AP4M1: variants seen among roughly 807,000 people sequenced by gnomAD.
AP4M1 encodes adaptor related protein complex 4 subunit mu 1.
AP4M1 carries 58 observed loss-of-function variants against 62.4 expected under a neutral mutation model. The observed-to-expected ratio is 0.93, with a 90% CI of 0.75 to 1.16. The LOEUF is 1.16. Among genes scored for constraint, AP4M1 ranks in the 50% most tolerant of loss-of-function variants. AP4M1 has a pLI of 0.00. For missense variants in AP4M1, 626 were observed against 585.4 expected (o/e 1.07, Z -0.72); for synonymous variants, 290 against 239.7 (o/e 1.21, Z -1.94).
At position 100,106,985 on chromosome 7, in the gene AP4M1, AG is replaced by A; in HGVS notation, c.*105del. On this transcript the variant is annotated 3_prime_UTR_variant, in exon 15 of 15. Coordinates refer to ENST00000359593, the MANE Select transcript of AP4M1 (RefSeq NM_004722.4). ...TGGCCTTCGGACTCTGAATCTGGGC[AG>A]GAAGAGTCCTCAGTCCCAAGACCAG... is the stretch of plus-strand genomic sequence containing the variant. 1.4e-6 allele frequency: 2 copies of A among 1,381,756 alleles called. No individual in the cohort carries two copies. Among genetic ancestry groups the A allele is most frequent in the East Asian group, 2.5e-5 (1 of 40,174 alleles). 85.6% of individuals were successfully genotyped at this position (1,381,756 alleles called of 1,614,324 possible).
rs1331440809 is a variant in AP4M1 at position 100,107,400 on chromosome 7, G to A, written c.*518G>A. 8 of 1,602,168 alleles carry A rather than the reference G, an allele frequency of 5.0e-6. No individual in the cohort carries two copies. The highest frequency in any genetic ancestry group is 6.0e-6 in the Non-Finnish European group (7 of 1,172,544). ...CGGGGACGATGCCGGGGGAGGAACTGGAGAAGGATGGGAGGTGGGGCCTCC... is the reference window on the plus strand; with the variant it reads ...CGGGGACGATGCCGGGGGAGGAACTAGAGAAGGATGGGAGGTGGGGCCTCC... On this transcript the variant is annotated 3_prime_UTR_variant, in exon 15 of 15. Coordinates refer to ENST00000359593, the MANE Select transcript of AP4M1 (RefSeq NM_004722.4).
upstream of AP4M1, chr7:100,101,131 C>A: frequency 3.5e-6 from 4 of 1,153,044 alleles, no homozygotes; most frequent in Admixed American, 2.0e-5. Context: ...CAGGCCGCAG[C>A]TCGACCCTGC....
intron 11 of AP4M1, 31 bp from the exon 12 acceptor site, chr7:100,105,928 C>T (rs748143640): frequency 6.2e-7 from 1 of 1,613,858 alleles, no homozygotes; most frequent in East Asian, 2.2e-5. Flanking sequence ...AGAAGATGGC[C>T]TGAGTCGTGG....
upstream of AP4M1, chr7:100,101,630 G>A: frequency 7.3e-7 from 1 of 1,372,990 alleles, no homozygotes; most frequent in Non-Finnish European, 1.0e-6. Flanking sequence ...TAAAGGGCCA[G>A]CGCACACGCG....
At chr7:100,106,140 G>T (rs1796452931) in intron 12 of AP4M1, 101 bp from the exon 13 acceptor site, 1 of 1,553,340 alleles carries the variant, frequency 6.4e-7, no homozygotes, top group South Asian at 1.1e-5. Flanking sequence ...ATTTGGGAAG[G>T]TGGGGGGCAC....
Position 100,106,230 on chromosome 7 carries a change from C to T in AP4M1, c.975-11C>T. 1 of 1,614,120 alleles carries T rather than the reference C, an allele frequency of 6.2e-7. No homozygotes were observed. The highest frequency in any genetic ancestry group is 1.7e-4 in the Middle Eastern group (1 of 6,056). ...TTCCTGGGGCTGACTTTGTTCCCGT[C>T]TCCTCTGTAGCCAAGCCCTCAATGT... On this transcript the variant is annotated splice_polypyrimidine_tract_variant and intron_variant, in intron 12 of 14. Coordinates refer to ENST00000359593, the MANE Select transcript of AP4M1 (RefSeq NM_004722.4).
rs55764736 is a variant in AP4M1 at position 100,103,061 on chromosome 7, C to CTTTT, written c.351+119_351+122dup. On this transcript the variant is annotated intron_variant, in intron 4 of 14. Coordinates refer to ENST00000359593, the MANE Select transcript of AP4M1 (RefSeq NM_004722.4). The stretch of plus-strand genomic sequence containing the variant: ...GCCGTGGTTAGGAGGCCAAGTCTAC[C>CTTTT]TTTTTTTTTTTTTTTTTTTTTGCTT... 469 of 530,664 alleles carry CTTTT rather than the reference C, an allele frequency of 8.8e-4. 1 individual carries two copies. In the Admixed American group the frequency reaches 8.9e-3, roughly 10 times the overall value. 32.9% of individuals were successfully genotyped at this position (530,664 alleles called of 1,614,324 possible). A position where few individuals can be genotyped will look rare whatever the true frequency, so the allele number is the denominator to read the frequency against.
In AP4M1 at chr7:100,108,399, G is replaced by T. The variant is rs1796792527; in HGVS notation, c.*1517G>T. ...ATGGTCAGAGTGGTCCTGTTGACCTGCTGAGCCTGCAGAGCAGCCTGGGCC... is the reference window on the plus strand; with the variant it reads ...ATGGTCAGAGTGGTCCTGTTGACCTTCTGAGCCTGCAGAGCAGCCTGGGCC... On this transcript the variant is annotated 3_prime_UTR_variant, in exon 15 of 15. Transcript: ENST00000359593. The T allele has an allele frequency of 6.2e-7, 1 of 1,612,146 alleles. No individual in the cohort carries two copies. The highest frequency in any genetic ancestry group is 8.5e-7 in the Non-Finnish European group (1 of 1,178,702).
At chr7:100,103,023 T>G (rs1796184520) in intron 4 of AP4M1, 63 bp downstream of exon 4, 3 of 1,424,318 alleles carry the variant, frequency 2.1e-6, no homozygotes, top group East Asian at 2.3e-5. Flanking sequence ...CATCTGCTCT[T>G]CTACTGTGGG....
chr7:100,107,111 G>A lies in AP4M1; in HGVS notation c.*229G>A. ...AAACTTTTATTCTGAGAAACTGGCTGTACAATATCTAAAAAGAAAGTGACA... is the reference window on the plus strand; with the variant it reads ...AAACTTTTATTCTGAGAAACTGGCTATACAATATCTAAAAAGAAAGTGACA... On this transcript the variant is annotated 3_prime_UTR_variant, in exon 15 of 15. Coordinates refer to ENST00000359593, the MANE Select transcript of AP4M1 (RefSeq NM_004722.4). 1 of 1,346,504 alleles carries A rather than the reference G, an allele frequency of 7.4e-7. No individual in the cohort carries two copies. Among genetic ancestry groups the A allele is most frequent in the Non-Finnish European group, 9.9e-7 (1 of 1,006,036 alleles). The allele number at this position is 1,346,504 out of a possible 1,614,324, so 83.4% of individuals were successfully genotyped here.
Position 100,107,010 on chromosome 7 carries a change from A to T in AP4M1, c.*128A>T, listed in dbSNP as rs1796571231. Reference sequence around the variant, plus strand: ...AGGAAGAGTCCTCAGTCCCAAGACCAGGAGGGGGCAATGGGCCCAGCCTTT... The same window carrying T: ...AGGAAGAGTCCTCAGTCCCAAGACCTGGAGGGGGCAATGGGCCCAGCCTTT... On this transcript the variant is annotated 3_prime_UTR_variant, in exon 15 of 15. Coordinates refer to ENST00000359593, the MANE Select transcript of AP4M1 (RefSeq NM_004722.4). 1.6e-6 allele frequency: 2 copies of T among 1,278,904 alleles called. No individual in the cohort carries two copies. Among genetic ancestry groups the T allele is most frequent in the South Asian group, 2.5e-5 (2 of 79,026 alleles). 79.2% of individuals were successfully genotyped at this position (1,278,904 alleles called of 1,614,324 possible).
At chr7:100,101,197 C>A, upstream of AP4M1, 1 of 1,593,104 alleles carries the variant, frequency 6.3e-7, no homozygotes, top group South Asian at 1.1e-5. Context: ...GACCCCAGCT[C>A]ACACCAACAG....
At chr7:100,100,875 G>C, upstream of AP4M1, 2 of 1,043,752 alleles carry the variant, frequency 1.9e-6, no homozygotes, top group Non-Finnish European at 2.3e-6. Flanking sequence ...GCCTACGCGC[G>C]CCTGGGGAGG....
Position 100,105,425 on chromosome 7 carries a change from G to A in AP4M1, c.835-20G>A. 1 of 1,613,290 alleles carries A rather than the reference G, an allele frequency of 6.2e-7. No individual in the cohort carries two copies. Among genetic ancestry groups the A allele is most frequent in the South Asian group, 1.1e-5 (1 of 91,064 alleles). On this transcript the variant is annotated intron_variant, in intron 10 of 14. Transcript: ENST00000359593. ...GGGGTCGTGAGACCAAACTAACCTT[G>A]TTGCTCTCTGGTCTCTCAGCTGACT...
chr7:100,101,374 G>A (rs1796019874), upstream of AP4M1: 6 of 1,588,210 alleles, frequency 3.8e-6, no homozygotes, highest in Admixed American at 1.7e-5. Context: ...CCGCGCGGTG[G>A]ACTGTGGCCG....
intron 7 of AP4M1, 68 bp from the exon 8 acceptor site, chr7:100,104,806 G>GACAGAGCGAGACCGTCTCAAAA: frequency 6.3e-7 from 1 of 1,582,390 alleles, no homozygotes; most frequent in Non-Finnish European, 8.7e-7. Flanking sequence ...CAGCCTGGGC[G>GACAGAGCGAGACCGTCTCAAAA]ACAGAGCGAG....
rs1217838736 is a variant in AP4M1, at chr7:100,107,190, G to T, written c.*308G>T. The T allele has an allele frequency of 2.0e-6, 3 of 1,518,824 alleles. No homozygotes were observed. In the Admixed American group the frequency reaches 6.6e-5, roughly 34 times the overall value. The allele number at this position is 1,518,824 out of a possible 1,614,324, so 94.1% of individuals were successfully genotyped here. ...GCTTAGCGAGCATGCATGTGTGTAC[G>T]TGCACGTGTGTACATGTCTGCATGT... On this transcript the variant is annotated 3_prime_UTR_variant, in exon 15 of 15. Coordinates refer to ENST00000359593, the MANE Select transcript of AP4M1 (RefSeq NM_004722.4).
At position 100,106,790 on chromosome 7, in the gene AP4M1, C is replaced by T; in HGVS notation, c.1270C>T (p.Leu424Phe). The T allele has an allele frequency of 1.9e-6, 3 of 1,614,110 alleles. No homozygotes were observed. Among genetic ancestry groups the T allele is most frequent in the Non-Finnish European group, 2.5e-6 (3 of 1,180,048 alleles). ...GTGCTCTGGCCTCCAGGTCCGATTC[C>T]TCAGGCTGGCCTTCAGGCCATGCGG... ...HTCSGLQVRFLRLAFRPCGNA... is the reference protein window; with the variant it reads ...HTCSGLQVRFFRLAFRPCGNA... The change falls in exon 15 of 15, where the codon CTC becomes TTC. Residue 424 changes from leucine to phenylalanine, a missense_variant. Transcript: ENST00000359593.
At position 100,108,574 on chromosome 7, in the gene AP4M1, G is replaced by A. The variant is rs371241346; in HGVS notation, c.*1692G>A. ...CAGAAAAAAAGCCAGGTAGAGGGAG[G>A]GCTGGGGAAAAAAGCCAGGTAGAGG... On this transcript the variant is annotated 3_prime_UTR_variant, in exon 15 of 15. Transcript: ENST00000359593. 2.6e-5 allele frequency: 41 copies of A among 1,564,696 alleles called. No individual in the cohort carries two copies. Among genetic ancestry groups the A allele is most frequent in the Non-Finnish European group, 3.4e-5 (39 of 1,152,272 alleles).
Sources: allele counts gnomAD v4.1 joint callset, GRCh38; gene constraint gnomAD v4.1.1; transcripts MANE v1.5; gene names NCBI Gene and HGNC (gene_info 2026-07-23, HGNC 2026-07-21).